The following PRUNE2 variants were observed in gnomAD, a reference collection of about 807,000 sequenced individuals.
PRUNE2 encodes protein prune homolog 2.
PRUNE2 carries 164 observed loss-of-function variants against 252.0 expected under a neutral mutation model. The ratio of observed to expected loss-of-function variants is 0.65; its 90% CI spans 0.57 to 0.74. The LOEUF (loss-of-function observed/expected upper bound fraction) is 0.74, where lower values mean the gene tolerates loss of function less well. Among genes scored for constraint, PRUNE2 ranks in the 30% least tolerant of loss-of-function variants. The pLI is 0.00. For synonymous variants in PRUNE2, 1,292 were observed against 1,350.2 expected (o/e 0.96, Z 0.94); for missense variants, 3,495 against 3,711.0 (o/e 0.94, Z 1.51).
At position 76,761,085 on chromosome 9, in the gene PRUNE2, CA is replaced by C. The variant is rs34127776; in HGVS notation, c.757-47365del. ...TGGGTGACAGACTGAGACTCTGTCT[CA>C]AAAAAAAAAAAAAAAAAATACTCAA... On this transcript the variant is annotated intron_variant, in intron 6 of 18. Coordinates refer to ENST00000376718, the MANE Select transcript of PRUNE2 (RefSeq NM_015225.3). Among the ~76,000 whole-genome samples the C allele has an allele frequency of 4.0e-3, 371 of 93,648 alleles. 2 individuals carry two copies. Among genetic ancestry groups the C allele is most frequent in the Middle Eastern group, 6.2e-3 (1 of 162 alleles). The allele number at this position is 93,648 out of a possible 152,430, so 61.4% of individuals were successfully genotyped here.
At chr9:76,844,588 A>T (rs2059572016) in intron 4 of PRUNE2, among the ~76,000 whole-genome samples, 1 of 152,180 alleles carries the variant, frequency 6.6e-6, no homozygotes, top group Non-Finnish European at 1.5e-5. Flanking sequence ...CTATTTAGAG[A>T]GTGTTCCATC....
chr9:76,768,384 G>T (rs2052668817), intron 6 of PRUNE2, among the ~76,000 whole-genome samples: 1 of 151,942 alleles, frequency 6.6e-6, no homozygotes, highest in Non-Finnish European at 1.5e-5. Context: ...GTAGTGACGG[G>T]GGTTCACCAT....
intron 6 of PRUNE2, among the ~76,000 whole-genome samples, chr9:76,735,490 C>T (rs757325056): frequency 6.7e-5 from 10 of 149,122 alleles, no homozygotes; most frequent in Non-Finnish European, 1.0e-4. Flanking sequence ...ATTAAGTTAC[C>T]GAGATACCAA....
intron 6 of PRUNE2, among the ~76,000 whole-genome samples, chr9:76,814,731 G>C (rs772725898): frequency 5.9e-5 from 9 of 152,128 alleles, no homozygotes; most frequent in African/African-American, 1.4e-4. Context: ...AGGCATGTTG[G>C]GGGTGGGGGA....
intron 9 of PRUNE2, among the ~76,000 whole-genome samples, chr9:76,697,348 C>T (rs2134614724): frequency 6.6e-6 from 1 of 152,302 alleles, no homozygotes; most frequent in Admixed American, 6.5e-5. Context: ...AAATACCACA[C>T]CTATAAATAT....
intron 6 of PRUNE2, among the ~76,000 whole-genome samples, chr9:76,750,058 G>A (rs939211063): frequency 2.0e-5 from 3 of 151,966 alleles, no homozygotes; most frequent in Non-Finnish European, 4.4e-5. Context: ...GTGTCAGGAG[G>A]GTGGTGCATT....
At chr9:76,683,704 G>A (rs899916593) in intron 9 of PRUNE2, among the ~76,000 whole-genome samples, 5 of 151,970 alleles carry the variant, frequency 3.3e-5, no homozygotes, top group Admixed American at 1.3e-4. Context: ...AATGCATTTC[G>A]TTTATCACTC....
chr9:76,650,632 A>C (rs563827220), intron 11 of PRUNE2, among the ~76,000 whole-genome samples: 1 of 152,348 alleles, frequency 6.6e-6, no homozygotes, highest in South Asian at 2.1e-4. Flanking sequence ...TATATCTTTC[A>C]TTTGAAAATT....
At chr9:76,638,319 C>A (rs760108487) in intron 12 of PRUNE2, 31 bp from the exon 13 acceptor site, 7 of 1,447,568 alleles carry the variant, frequency 4.8e-6, no homozygotes, top group Non-Finnish European at 5.8e-6. Flanking sequence ...CACTTGTAAC[C>A]AATTGAAAGC....
Position 76,709,361 on chromosome 9 carries a change from G to A in PRUNE2, c.2913C>T (p.Asp971=). The change falls in exon 8 of 19, where the codon GAC becomes GAT. Residue 971 remains aspartate, a synonymous_variant. Transcript: ENST00000376718. The part of the protein sequence containing the change: ...SPLDTNYSTS[D]SYTSPTFAGD... ...CAGCAAATGTTGGTGATGTGTAAGA[G>A]TCTGAGGTGGAATAATTGGTATCTA... 1 of 1,613,998 alleles carries A rather than the reference G, an allele frequency of 6.2e-7. No individual in the cohort carries two copies. The highest frequency in any genetic ancestry group is 1.1e-5 in the South Asian group (1 of 91,082).
chr9:76,755,564 C>A (rs1414801640), intron 6 of PRUNE2, among the ~76,000 whole-genome samples: 1 of 152,060 alleles, frequency 6.6e-6, no homozygotes, highest in Non-Finnish European at 1.5e-5. Context: ...TAGAAGCCTG[C>A]CTTGAGGAGT....
chr9:76,691,255 G>A (rs1340616790), intron 9 of PRUNE2, among the ~76,000 whole-genome samples: 1 of 152,168 alleles, frequency 6.6e-6, no homozygotes, highest in East Asian at 1.9e-4. Flanking sequence ...TGGAGATTAT[G>A]CCCCCTTTCC....
At chr9:76,640,824 C>CAACAGACATAATGAATCCAACTT (rs1842280181) in intron 12 of PRUNE2, among the ~76,000 whole-genome samples, 1 of 152,178 alleles carries the variant, frequency 6.6e-6, no homozygotes, top group South Asian at 2.1e-4. Flanking sequence ...TTAAAAGAGA[C>CAACAGACATAATGAATCCAACTT]AACAGACATA....
intron 3 of PRUNE2, among the ~76,000 whole-genome samples, chr9:76,847,704 A>G (rs2059744622): frequency 6.6e-6 from 1 of 152,258 alleles, no homozygotes; most frequent in African/African-American, 2.4e-5. Context: ...GTTTGGATCA[A>G]TCCAACTTTA....
chr9:76,715,655 A>C (rs2047087788), intron 6 of PRUNE2, among the ~76,000 whole-genome samples: 1 of 152,166 alleles, frequency 6.6e-6, no homozygotes, highest in Non-Finnish European at 1.5e-5. Flanking sequence ...CATGCTTTTT[A>C]TTTATTTTCC....
chr9:76,618,623 A>C (rs1222819370), intron 18 of PRUNE2, among the ~76,000 whole-genome samples: 7 of 152,042 alleles, frequency 4.6e-5, no homozygotes, highest in Admixed American at 6.6e-5. Context: ...CATTAAGACC[A>C]CCTCTTTCTG....
chr9:76,837,820 G>A (rs1343190769), intron 4 of PRUNE2, among the ~76,000 whole-genome samples: 2 of 148,694 alleles, frequency 1.3e-5, no homozygotes, highest in African/African-American at 2.5e-5. Context: ...CGCCCAGGCT[G>A]GAGTGCAGTG....
intron 6 of PRUNE2, among the ~76,000 whole-genome samples, chr9:76,726,176 C>T (rs189298527): frequency 6.6e-6 from 1 of 152,300 alleles, no homozygotes; most frequent in African/African-American, 2.4e-5. Context: ...AGTTTGAAAA[C>T]CCTGGAGAAA....
chr9:76,656,956 C>T (rs1849476671), intron 9 of PRUNE2, among the ~76,000 whole-genome samples: 1 of 152,118 alleles, frequency 6.6e-6, no homozygotes, highest in Non-Finnish European at 1.5e-5. Context: ...TCAGCAGGAA[C>T]AAGACAACCT....
Sources: allele counts gnomAD v4.1 joint callset (sites outside exome capture counted in the v4.1 genomes callset), GRCh38; gene constraint gnomAD v4.1.1; transcripts MANE v1.5; gene names NCBI Gene and HGNC (gene_info 2026-07-23, HGNC 2026-07-21).